ARAP2: variants seen among roughly 807,000 people sequenced by gnomAD.
ARAP2 encodes ArfGAP with RhoGAP domain, ankyrin repeat and PH domain 2.
ARAP2 carries 148 observed loss-of-function variants against 194.5 expected under a neutral mutation model. The ratio of observed to expected loss-of-function variants is 0.76; its 90% CI spans 0.67 to 0.87. The LOEUF (loss-of-function observed/expected upper bound fraction) is 0.87. Ranked by LOEUF, ARAP2 falls within the 40% of genes least tolerant of loss-of-function variation. ARAP2 has a pLI of 0.00. For missense variants in ARAP2, 2,128 were observed against 1,989.7 expected (o/e 1.07, Z -1.32); for synonymous variants, 695 against 683.5 (o/e 1.02, Z -0.26).
In ARAP2 at chr4:36,180,821, T is replaced by C. The variant is rs115019394; in HGVS notation, c.1679-2816A>G. Among the ~76,000 whole-genome samples, 561 of 152,340 alleles carry C rather than the reference T, an allele frequency of 3.7e-3. 7 individuals carry two copies. Among genetic ancestry groups the C allele is most frequent in the African/African-American group, 0.013 (538 of 41,580 alleles). ...TCTAGCTCCTGAGGGACTCAGTTAC[T>C]AATAGGAAGTAAACAGTCACGAAGA... On this transcript the variant is annotated intron_variant, in intron 8 of 32. Transcript: ENST00000303965.
At chr4:36,101,112 T>C (rs1231595541) in intron 27 of ARAP2, among the ~76,000 whole-genome samples, 1 of 152,042 alleles carries the variant, frequency 6.6e-6, no homozygotes, top group Non-Finnish European at 1.5e-5. Flanking sequence ...ATTGAAAGTA[T>C]GGGAAGGATG....
chr4:36,023,410 T>C (rs924879508), intron 5 of ARAP2, among the ~76,000 whole-genome samples: 1 of 152,172 alleles, frequency 6.6e-6, no homozygotes, highest in Non-Finnish European at 1.5e-5. Context: ...AATTATTGCA[T>C]GATCATCTTC....
At chr4:36,014,277 G>GAA (rs1343895155) in intron 8 of ARAP2, among the ~76,000 whole-genome samples, 1 of 139,352 alleles carries the variant, frequency 7.2e-6, no homozygotes, top group Admixed American at 7.3e-5. Context: ...AAGAAAGAAA[G>GAA]AAAGAAAGAA....
At chr4:36,191,311 TA>T (rs1362100857) in intron 7 of ARAP2, among the ~76,000 whole-genome samples, 2 of 152,134 alleles carry the variant, frequency 1.3e-5, no homozygotes, top group African/African-American at 2.4e-5. Context: ...AAAAAAAGAT[TA>T]TCTTTCTAAT....
At chr4:36,105,439 T>G (rs945058870) in intron 27 of ARAP2, among the ~76,000 whole-genome samples, 4 of 152,024 alleles carry the variant, frequency 2.6e-5, no homozygotes, top group Admixed American at 1.3e-4. Flanking sequence ...TTCTCTAGCT[T>G]TTTTTCTACA....
chr4:36,213,211 T>A (rs1201449847), intron 4 of ARAP2, 32 bp downstream of exon 4: 1 of 1,442,408 alleles, frequency 6.9e-7, no homozygotes, highest in Non-Finnish European at 9.7e-7. Flanking sequence ...AATAATTGAT[T>A]ATGGAAAACA....
rs139238452 is a variant in ARAP2, at chr4:36,166,980, C to A, written c.1925G>T (p.Arg642Leu). The change falls in exon 10 of 33, where the codon CGA becomes CTA. Residue 642 changes from arginine (R) to leucine (L), a missense_variant. Coordinates refer to ENST00000303965, the MANE Select transcript of ARAP2 (RefSeq NM_015230.4). ...TATTTCAAAAGATTGTTTCACAGTT[C>A]GGTCCACTTGCTTTACATTTGCTAC... is the stretch of plus-strand genomic sequence containing the variant. ...MNVANVKQVDRTVKQSFEIIT... is the reference protein window; with the variant it reads ...MNVANVKQVDLTVKQSFEIIT... 7.5e-6 allele frequency: 12 copies of A among 1,608,730 alleles called. No individual in the cohort carries two copies. The Admixed American group carries it at 1.5e-4, about 20-fold the overall frequency.
intron 2 of ARAP2, among the ~76,000 whole-genome samples, chr4:36,225,648 T>C (rs1427162851): frequency 6.6e-6 from 1 of 152,048 alleles, no homozygotes; most frequent in Admixed American, 6.6e-5. Context: ...AAAAATTTAA[T>C]AGAGCATCAG....
Position 36,068,149 on chromosome 4 carries a change from T to A in ARAP2, c.4873A>T (p.Asn1625Tyr). Residue 1625 changes from asparagine to tyrosine, a missense_variant, in exon 33 of 33, where the codon AAT becomes TAT. By Grantham distance (143) the Asn-to-Tyr change is moderately radical. Transcript: ENST00000303965. ...AAACTCCGATGTTTTCGGGGTCGATTTCGAAGTTTATCGTCCTTGTGCTCC... is the reference window on the plus strand; with the variant it reads ...AAACTCCGATGTTTTCGGGGTCGATATCGAAGTTTATCGTCCTTGTGCTCC... ...CLEHKDDKLR[N>Y]RPRKHRSFNC... The A allele has an allele frequency of 6.2e-7, 1 of 1,613,892 alleles. No homozygotes were observed. Among genetic ancestry groups the A allele is most frequent in the Non-Finnish European group, 8.5e-7 (1 of 1,179,782 alleles).
chr4:36,136,933 CACACACA>C (rs1271021856), intron 19 of ARAP2, among the ~76,000 whole-genome samples: 2 of 1,442 alleles, frequency 1.4e-3, no homozygotes, highest in Non-Finnish European at 2.3e-3. Context: ...CGCGCGCGCG[CACACACA>C]CACACACACA....
rs929595879 is a variant in ARAP2 at position 36,097,722 on chromosome 4, C to A, written c.4286-5702G>T. On this transcript the variant is annotated intron_variant, in intron 27 of 32. Coordinates refer to ENST00000303965, the MANE Select transcript of ARAP2 (RefSeq NM_015230.4). ...AGATAAATCCTAGGATGCACATTAA[C>A]AGGTACTATTTCATTTACTACCTTT... 3.9e-5 allele frequency among the ~76,000 whole-genome samples: 6 copies of A among 152,202 alleles called. No individual in the cohort carries two copies. In the East Asian group the frequency reaches 1.2e-3, roughly 30 times the overall value.
At chr4:36,193,142 A>T (rs556544396) in intron 7 of ARAP2, among the ~76,000 whole-genome samples, 1 of 152,190 alleles carries the variant, frequency 6.6e-6, no homozygotes, top group Non-Finnish European at 1.5e-5. Context: ...ATCTTCCATT[A>T]TTCTCAGCCA....
chr4:36,226,820 T>C (rs1297656333), intron 2 of ARAP2, among the ~76,000 whole-genome samples: 1 of 152,126 alleles, frequency 6.6e-6, no homozygotes. Context: ...CACAGACTGT[T>C]TGAAACTTAA....
chr4:36,205,354 C>A (rs1745327368), intron 6 of ARAP2, among the ~76,000 whole-genome samples: 1 of 151,904 alleles, frequency 6.6e-6, no homozygotes, highest in Non-Finnish European at 1.5e-5. Context: ...GCTAAAGTAA[C>A]TACAAAAGAG....
chr4:36,213,565 G>A (rs1346015690), intron 3 of ARAP2, among the ~76,000 whole-genome samples: 3 of 152,076 alleles, frequency 2.0e-5, no homozygotes, highest in East Asian at 1.9e-4. Flanking sequence ...ATTGCAACCT[G>A]TCACACATGT....
chr4:36,006,070 T>C (rs550302391), intron 10 of ARAP2: 2 of 152,286 alleles, frequency 1.3e-5, no homozygotes, highest in East Asian at 3.9e-4. Flanking sequence ...TCTTAAAATG[T>C]AGCTCTATGT....
chr4:36,123,996 G>T (rs1723290380), intron 22 of ARAP2, among the ~76,000 whole-genome samples: 1 of 151,756 alleles, frequency 6.6e-6, no homozygotes, highest in Non-Finnish European at 1.5e-5. Context: ...ATTAAAGTTT[G>T]TCTCAACATC....
intron 2 of ARAP2, among the ~76,000 whole-genome samples, chr4:36,054,049 G>C (rs911398790): frequency 6.6e-6 from 1 of 152,168 alleles, no homozygotes; most frequent in African/African-American, 2.4e-5. Context: ...TTTCAATAAT[G>C]GTGTTTTTCC....
chr4:36,235,502 T>C (rs896940181), intron 1 of ARAP2, among the ~76,000 whole-genome samples: 1 of 152,230 alleles, frequency 6.6e-6, no homozygotes, highest in African/African-American at 2.4e-5. Flanking sequence ...GATCCCTCCC[T>C]AATCTATGCT....
Sources: gnomAD v4.1 joint callset for allele counts (sites outside exome capture counted in the v4.1 genomes callset) on GRCh38, gnomAD v4.1.1 for gene constraint, MANE v1.5 for transcripts, NCBI Gene and HGNC (gene_info 2026-07-23, HGNC 2026-07-21) for gene names.